S100Z: variants seen among roughly 807,000 people sequenced by gnomAD.
The protein encoded by S100Z is S100 calcium binding protein Z.
In S100Z, 11 loss-of-function variants were observed where a neutral mutation model predicts 8.5. The observed-to-expected ratio is 1.30, with a 90% confidence interval of 0.82 to 2.15. S100Z has a LOEUF of 2.15. Ranked by LOEUF, S100Z falls within the 30% of genes most tolerant of loss-of-function variation. S100Z has a pLI of 0.00. For missense variants in S100Z, 126 were observed against 117.9 expected, an observed-to-expected ratio of 1.07 and a Z score of -0.32; for synonymous variants, 34 against 43.8, an observed-to-expected ratio of 0.78 and a Z score of 0.89.
intron 4 of S100Z, among the ~76,000 whole-genome samples, chr5:76,896,711 C>A (rs1330503090): frequency 6.6e-6 from 1 of 152,136 alleles, no homozygotes; most frequent in African/African-American, 2.4e-5. Context: ...TTTTACCTGT[C>A]TTTTGGATAT....
chr5:76,866,572 TA>T (rs907231550), intron 1 of S100Z, among the ~76,000 whole-genome samples: 3 of 152,212 alleles, frequency 2.0e-5, no homozygotes, highest in African/African-American at 2.4e-5. Context: ...AAAGGTGTAC[TA>T]TTTTTTTTAT....
At chr5:76,852,761 C>G (rs1016179762) in intron 1 of S100Z, among the ~76,000 whole-genome samples, 1 of 152,092 alleles carries the variant, frequency 6.6e-6, no homozygotes, top group African/African-American at 2.4e-5. Context: ...GAACATGACC[C>G]GGCTGTAGGT....
intron 4 of S100Z, among the ~76,000 whole-genome samples, chr5:76,912,373 C>T (rs1401709148): frequency 6.6e-6 from 1 of 152,154 alleles, no homozygotes; most frequent in Non-Finnish European, 1.5e-5. Context: ...TCTTAGAAGT[C>T]CCCTTAGCTA....
rs1215511673 is a variant in S100Z, at chr5:76,921,523, T to G, written c.*809T>G. Reference sequence around the variant, plus strand: ...GAGAGTTAACGATTATTTAAAAGTATTCATAATTTTCTGATAATAAAAGTA... The same window carrying G: ...GAGAGTTAACGATTATTTAAAAGTAGTCATAATTTTCTGATAATAAAAGTA... On this transcript the variant is annotated 3_prime_UTR_variant, in exon 5 of 5. Coordinates refer to ENST00000317593, the MANE Select transcript of S100Z (RefSeq NM_130772.4). 2 of 152,342 alleles carry G rather than the reference T, an allele frequency of 1.3e-5. No individual in the cohort carries two copies. The highest frequency in any genetic ancestry group is 2.9e-5 in the Non-Finnish European group (2 of 68,034). 9.4% of individuals were successfully genotyped at this position (152,342 alleles called of 1,614,324 possible).
intron 4 of S100Z, among the ~76,000 whole-genome samples, chr5:76,899,730 T>A (rs1744169167): frequency 1.3e-5 from 2 of 152,208 alleles, no homozygotes; most frequent in South Asian, 4.1e-4. Context: ...GTAGTTATTA[T>A]TTTTGGTTGG....
chr5:76,928,790 G>A, the S100Z span, among the ~76,000 whole-genome samples: 1 of 152,192 alleles, frequency 6.6e-6, no homozygotes, highest in Non-Finnish European at 1.5e-5. Flanking sequence ...GCCCAAGCTG[G>A]AGTGCAGCGC....
chr5:76,892,961 C>G (rs908191827), intron 4 of S100Z, among the ~76,000 whole-genome samples: 4 of 152,140 alleles, frequency 2.6e-5, no homozygotes, highest in Non-Finnish European at 5.9e-5. Flanking sequence ...CAGCAGAACT[C>G]TGTTTTAGGG....
chr5:76,857,398 T>C (rs992398349), intron 1 of S100Z, among the ~76,000 whole-genome samples: 1 of 152,062 alleles, frequency 6.6e-6, no homozygotes, highest in Non-Finnish European at 1.5e-5. Flanking sequence ...AGGATGCACA[T>C]ATCAAGTGAT....
chr5:76,868,581 C>T (rs577211553), intron 1 of S100Z, among the ~76,000 whole-genome samples: 107 of 150,188 alleles, frequency 7.1e-4, no homozygotes, highest in Non-Finnish European at 9.3e-4. Context: ...ACTTCAACAA[C>T]TTAATTTGGA....
intron 3 of S100Z, 139 bp from the exon 4 acceptor site, chr5:76,877,535 T>C: frequency 1.6e-6 from 1 of 606,640 alleles, no homozygotes; most frequent in Non-Finnish European, 2.9e-6. Context: ...TACACCTACC[T>C]GTAAATAGGT....
rs148338641 is a variant in S100Z at position 76,872,415 on chromosome 5, A to G, written c.-57+2131A>G. 4.4e-3 allele frequency among the ~76,000 whole-genome samples: 677 copies of G among 152,190 alleles called. 5 individuals are homozygous for G. The highest frequency in any genetic ancestry group is 0.015 in the African/African-American group (632 of 41,534). On this transcript the variant is annotated intron_variant, in intron 2 of 4. Coordinates refer to ENST00000317593, the MANE Select transcript of S100Z (RefSeq NM_130772.4). ...GGTGGCTAAAGCCTGTAATCCCAGCACTTTGGGAGGCCAAGGCAGGAGGAT... is the reference window on the plus strand; with the variant it reads ...GGTGGCTAAAGCCTGTAATCCCAGCGCTTTGGGAGGCCAAGGCAGGAGGAT...
At chr5:76,883,749 G>A (rs866696611) in intron 4 of S100Z, among the ~76,000 whole-genome samples, 24 of 152,314 alleles carry the variant, frequency 1.6e-4, no homozygotes, top group African/African-American at 4.8e-4. Context: ...TGGACAGTCC[G>A]ATTTCCACTG....
chr5:76,856,177 G>A (rs1207524976), intron 1 of S100Z, among the ~76,000 whole-genome samples: 5 of 152,116 alleles, frequency 3.3e-5, no homozygotes, highest in Admixed American at 1.3e-4. Context: ...GTGAAACTGT[G>A]AGCCAATTAA....
At chr5:76,887,432 G>T (rs536215213) in intron 4 of S100Z, among the ~76,000 whole-genome samples, 1 of 116,794 alleles carries the variant, frequency 8.6e-6, no homozygotes, top group South Asian at 2.7e-4. Flanking sequence ...ATGAGGTCTC[G>T]CTCTGTGCCC....
intron 1 of S100Z, among the ~76,000 whole-genome samples, chr5:76,862,469 C>T (rs189106063): frequency 5.6e-4 from 85 of 152,148 alleles, no homozygotes; most frequent in Admixed American, 1.2e-3. Flanking sequence ...CTGAAGAGCA[C>T]CTAGGAGTGT....
chr5:76,883,806 G>A lies in S100Z; in HGVS notation c.*2+5972G>A, dbSNP rs1001490706. Among the ~76,000 whole-genome samples, 8 of 152,168 alleles carry A rather than the reference G, an allele frequency of 5.3e-5. No homozygotes were observed. The East Asian group carries it at 5.8e-4, about 11-fold the overall frequency. On this transcript the variant is annotated intron_variant, in intron 4 of 4. Transcript: ENST00000317593. The stretch of plus-strand genomic sequence containing the variant: ...TGGCTTAGGAGGAGTCCCAGGCTGC[G>A]GGCATTGCTTGGCCCAGTGGCCAGA...
intron 4 of S100Z, among the ~76,000 whole-genome samples, chr5:76,896,015 G>A (rs1338259487): frequency 2.6e-5 from 4 of 151,634 alleles, no homozygotes; most frequent in African/African-American, 4.8e-5. Context: ...CACTTGCCTC[G>A]GCCTCTTAAG....
At chr5:76,886,922 ACTT>A (rs1436251981) in intron 4 of S100Z, among the ~76,000 whole-genome samples, 3 of 151,920 alleles carry the variant, frequency 2.0e-5, no homozygotes, top group Admixed American at 6.6e-5. Context: ...GGCTATTTTC[ACTT>A]CTTTTGTGGA....
intron 1 of S100Z, among the ~76,000 whole-genome samples, chr5:76,864,386 ATTTTTTTTTTTT>A (rs56206322): frequency 6.0e-4 from 43 of 72,176 alleles, no homozygotes; most frequent in Middle Eastern, 0.015. Flanking sequence ...TGCATACTAT[ATTTTTTTTTTTT>A]TTTTTTTTTT....
Sources: allele counts gnomAD v4.1 joint callset (sites outside exome capture counted in the v4.1 genomes callset), GRCh38; gene constraint gnomAD v4.1.1; transcripts MANE v1.5; gene names NCBI Gene and HGNC (gene_info 2026-07-23, HGNC 2026-07-21).